The following MTTP variants were observed in gnomAD, a reference collection of about 807,000 sequenced individuals.
MTTP encodes the protein microsomal triglyceride transfer protein large subunit.
A neutral mutation model predicts 90.6 loss-of-function variants in MTTP; 49 were observed. The observed-to-expected ratio is 0.54, with a 90% CI of 0.43 to 0.69. The LOEUF (loss-of-function observed/expected upper bound fraction) is 0.69. Ranked by LOEUF, MTTP falls within the 30% of genes least tolerant of loss-of-function variation. The pLI is 0.00. For missense variants in MTTP, 945 were observed against 1,067.5 expected (o/e 0.89, Z 1.60); for synonymous variants, 347 against 384.2 (o/e 0.90, Z 1.13).
In MTTP at chr4:99,591,358, T is replaced by C. The variant is rs2110218421; in HGVS notation, c.618+7T>C. 6.4e-7 allele frequency: 1 copy of C among 1,562,242 alleles called. No homozygotes were observed. Among genetic ancestry groups the C allele is most frequent in the Non-Finnish European group, 8.8e-7 (1 of 1,132,914 alleles). ...ATTTACGACCCCAAATCAGGTATGA[T>C]AGATGTCACTTTCTTTGAGGCATTA... On this transcript the variant is annotated splice_region_variant and intron_variant, in intron 5 of 17. Coordinates refer to ENST00000265517, the MANE Select transcript of MTTP (RefSeq NM_001386140.1).
chr4:99,579,977 A>G (rs1279456342), intron 1 of MTTP, among the ~76,000 whole-genome samples: 1 of 148,592 alleles, frequency 6.7e-6, no homozygotes, highest in African/African-American at 2.5e-5. Flanking sequence ...TGAAGGTTGC[A>G]GTGAGCCGAG....
rs1391281161 is a variant in MTTP at position 99,591,808 on chromosome 4, T to C, written c.758+18T>C. 6.3e-7 allele frequency: 1 copy of C among 1,590,624 alleles called. No individual in the cohort carries two copies. On this transcript the variant is annotated intron_variant, in intron 6 of 17. Coordinates refer to ENST00000265517, the MANE Select transcript of MTTP (RefSeq NM_001386140.1). ...GTATCGAAGTAAGATAATGCTAAAA[T>C]TTTTATTTTCTTTGCTATTCTTTGT...
rs1396473487 is a variant in MTTP at position 99,620,993 on chromosome 4, A to G, written c.2343-68A>G. 3 of 1,310,132 alleles carry G rather than the reference A, an allele frequency of 2.3e-6. No homozygotes were observed. In the Admixed American group the frequency reaches 5.3e-5, roughly 23 times the overall value. The allele number at this position is 1,310,132 out of a possible 1,614,324, so 81.2% of individuals were successfully genotyped here. The stretch of plus-strand genomic sequence containing the variant: ...TCATACGTTCAGACCCTGTAAAGTT[A>G]CAGCTGTTAGTCCAATACCATTAAA... On this transcript the variant is annotated intron_variant, in intron 16 of 17. Transcript: ENST00000265517.
In MTTP at chr4:99,591,870, T is replaced by TTG. The variant is rs34883891; in HGVS notation, c.758+97_758+98dup. The stretch of plus-strand genomic sequence containing the variant: ...ACTTGATTTGTAAATAGATCTGTGT[T>TTG]TGTGTGTGTGTGTGTGTGCGCGTGT... On this transcript the variant is annotated intron_variant, in intron 6 of 17. Transcript: ENST00000265517. 7.0e-4 allele frequency: 857 copies of TTG among 1,227,414 alleles called. 1 individual carries two copies. The highest frequency in any genetic ancestry group is 1.3e-3 in the East Asian group (48 of 38,124). The allele number at this position is 1,227,414 out of a possible 1,614,324, so 76.0% of individuals were successfully genotyped here.
At chr4:99,588,227 G>C (rs1258969944) in intron 3 of MTTP, among the ~76,000 whole-genome samples, 1 of 152,078 alleles carries the variant, frequency 6.6e-6, no homozygotes, top group Non-Finnish European at 1.5e-5. Flanking sequence ...TAGCTATTGA[G>C]CTTTATGTTT....
At chr4:99,585,265 C>A (rs1725229894) in intron 3 of MTTP, among the ~76,000 whole-genome samples, 1 of 151,914 alleles carries the variant, frequency 6.6e-6, no homozygotes. Flanking sequence ...TTGTAATGGC[C>A]CTGAGCAGTA....
chr4:99,606,939 T>A lies in MTTP; in HGVS notation c.1536T>A (p.Asp512Glu). The change falls in exon 11 of 18, where the codon GAT (aspartate) becomes GAA (glutamate). Residue 512 changes from aspartate (D) to glutamate (E), a missense_variant. Physicochemically the swap from Asp to Glu is conservative, Grantham distance 45. Transcript: ENST00000265517. The part of the protein sequence containing the change: ...HLATTALQRY[D>E]LPFITDEVKK... ...CTACCACTGCTCTCCAGAGATATGA[T>A]CTCCCTTTCATAACTGATGAGGTAA... The A allele has an allele frequency of 6.2e-7, 1 of 1,613,394 alleles. No homozygotes were observed. Among genetic ancestry groups the A allele is most frequent in the Non-Finnish European group, 8.5e-7 (1 of 1,179,692 alleles).
chr4:99,596,700 T>C (rs1294401382), intron 7 of MTTP, among the ~76,000 whole-genome samples: 1 of 152,226 alleles, frequency 6.6e-6, no homozygotes, highest in Non-Finnish European at 1.5e-5. Flanking sequence ...AATATTTTGC[T>C]GTTAATTAAA....
chr4:99,608,069 A>G (rs1211149269), intron 11 of MTTP, among the ~76,000 whole-genome samples: 1 of 152,170 alleles, frequency 6.6e-6, no homozygotes, highest in Non-Finnish European at 1.5e-5. Flanking sequence ...GCCATGTAGT[A>G]TCCTTAAAAT....
chr4:99,573,044 T>C (rs768505462), upstream of MTTP, among the ~76,000 whole-genome samples: 60 of 152,038 alleles, frequency 3.9e-4, no homozygotes, highest in Non-Finnish European at 3.4e-4. Flanking sequence ...TAGGCAATAG[T>C]GATATGTCTT....
intron 1 of MTTP, among the ~76,000 whole-genome samples, chr4:99,568,988 C>T (rs1229965872): frequency 6.6e-6 from 1 of 152,018 alleles, no homozygotes; most frequent in Non-Finnish European, 1.5e-5. Context: ...ACTCCTCACT[C>T]CATAAATGTG....
chr4:99,566,783 A>G (rs1362455673), intron 1 of MTTP, among the ~76,000 whole-genome samples: 1 of 152,224 alleles, frequency 6.6e-6, no homozygotes, highest in African/African-American at 2.4e-5. Flanking sequence ...TGGTAGAATA[A>G]GAAGGAGGCT....
At chr4:99,618,916 G>T in intron 15 of MTTP, 58 bp from the exon 16 acceptor site, 2 of 1,590,272 alleles carry the variant, frequency 1.3e-6, no homozygotes, top group South Asian at 1.1e-5. Flanking sequence ...ATTGGAAAGG[G>T]GGTTAACTAA....
At position 99,566,157 on chromosome 4, in the gene MTTP, C is replaced by T. The variant is rs546235320; in HGVS notation, c.-102+1920C>T. ...ACAAAAACTTAGCCGGGCGTGGTGG[C>T]GGGCGCCTGTAGTCCCGTCTACTCC... On this transcript the variant is annotated intron_variant, in intron 1 of 18. Coordinates refer to the MTTP transcript ENST00000457717. Among the ~76,000 whole-genome samples, 7 of 151,944 alleles carry T rather than the reference C, an allele frequency of 4.6e-5. No homozygotes were observed. In the East Asian group the frequency reaches 1.2e-3, roughly 25 times the overall value.
At chr4:99,612,123 A>T (rs1047198881) in intron 14 of MTTP, among the ~76,000 whole-genome samples, 2 of 152,226 alleles carry the variant, frequency 1.3e-5, no homozygotes, top group African/African-American at 2.4e-5. Context: ...TTAAGTTTTT[A>T]AAATGATCCA....
rs756898714 is a variant in MTTP at position 99,621,093 on chromosome 4, T to C, written c.2375T>C (p.Val792Ala). 3 of 1,614,124 alleles carry C rather than the reference T, an allele frequency of 1.9e-6. No homozygotes were observed. Among genetic ancestry groups the C allele is most frequent in the East Asian group, 2.2e-5 (1 of 44,892 alleles). Reference protein sequence around the residue: ...VTVVITTDITVDSSFVKAGLE... With the variant: ...VTVVITTDITADSSFVKAGLE... ...GTGGTAATAACCACTGACATCACAG[T>C]GGACTCCTCTTTTGTGAAAGCTGGC... The change falls in exon 17 of 18, where the codon GTG becomes GCG. Residue 792 changes from valine (V) to alanine (A), a missense_variant. Val to Ala is a moderately conservative substitution (Grantham distance 64). Transcript: ENST00000265517.
At chr4:99,606,654 AG>A (rs1480575046) in intron 10 of MTTP, 93 bp from the exon 11 acceptor site, 1 of 1,216,790 alleles carries the variant, frequency 8.2e-7, no homozygotes, top group African/African-American at 1.5e-5. Context: ...GTAAAACTGT[AG>A]GTTGCTTTCT....
At chr4:99,582,648 A>T (rs1725148438) in intron 2 of MTTP, among the ~76,000 whole-genome samples, 1 of 152,154 alleles carries the variant, frequency 6.6e-6, no homozygotes, top group African/African-American at 2.4e-5. Context: ...GACTTTTCCA[A>T]TTGTAATATA....
At chr4:99,619,837 C>T (rs1194357536) in intron 16 of MTTP, among the ~76,000 whole-genome samples, 1 of 152,192 alleles carries the variant, frequency 6.6e-6, no homozygotes, top group African/African-American at 2.4e-5. Flanking sequence ...GTGTGACCCA[C>T]AGTGTTACCA....
Sources: allele counts gnomAD v4.1 joint callset (sites outside exome capture counted in the v4.1 genomes callset), GRCh38; gene constraint gnomAD v4.1.1; transcripts MANE v1.5; gene names NCBI Gene and HGNC (gene_info 2026-07-23, HGNC 2026-07-21).